The following ITFG1 variants were observed in gnomAD, a reference collection of about 807,000 sequenced individuals.
The protein encoded by ITFG1 is integrin alpha FG-GAP repeat containing 1, also known as T-cell immunomodulatory protein.
ITFG1 carries 34 observed loss-of-function variants against 81.8 expected under a neutral mutation model. The ratio of observed to expected loss-of-function variants is 0.42; its 90% CI spans 0.32 to 0.55. The LOEUF is 0.55. ITFG1 is among the 20% of genes least tolerant of loss of function. ITFG1 has a pLI of 0.17. For missense variants in ITFG1, 672 were observed against 755.4 expected (o/e 0.89, Z 1.29); for synonymous variants, 285 against 270.6 (o/e 1.05, Z -0.52).
At chr16:47,299,166 C>T (rs1266234652) in intron 10 of ITFG1, among the ~76,000 whole-genome samples, 5 of 152,116 alleles carry the variant, frequency 3.3e-5, no homozygotes, top group Non-Finnish European at 5.9e-5. Flanking sequence ...TCAGAATATT[C>T]GGTTAGGTTA....
At chr16:47,409,207 G>T (rs1021503620) in intron 6 of ITFG1, among the ~76,000 whole-genome samples, 1 of 149,712 alleles carries the variant, frequency 6.7e-6, no homozygotes, top group Non-Finnish European at 1.5e-5. Context: ...TGAGTCTCTC[G>T]AGAGAAAAAC....
chr16:47,406,005 C>T (rs1032173711), intron 6 of ITFG1, among the ~76,000 whole-genome samples: 26 of 152,284 alleles, frequency 1.7e-4, no homozygotes, highest in Admixed American at 5.9e-4. Flanking sequence ...ACAGAAGTTA[C>T]GGCATACTTG....
chr16:47,251,048 T>G (rs1029848723), intron 12 of ITFG1, among the ~76,000 whole-genome samples: 4 of 152,236 alleles, frequency 2.6e-5, no homozygotes, highest in Admixed American at 6.5e-5. Context: ...TGCACAGTGT[T>G]GCCCAAAACA....
At chr16:47,262,777 G>C (rs1412407871) in intron 10 of ITFG1, 1 of 152,404 alleles carries the variant, frequency 6.6e-6, no homozygotes, top group African/African-American at 2.4e-5. Context: ...AGTTTATGCA[G>C]ATCTGCTGGA....
chr16:47,243,595 T>C (rs1229087214), intron 12 of ITFG1, among the ~76,000 whole-genome samples: 1 of 152,138 alleles, frequency 6.6e-6, no homozygotes, highest in Non-Finnish European at 1.5e-5. Context: ...AAAAGTGAAA[T>C]AAATTGTGGA....
intron 8 of ITFG1, among the ~76,000 whole-genome samples, chr16:47,319,365 C>T (rs571810934): frequency 4.6e-5 from 7 of 152,170 alleles, no homozygotes; most frequent in East Asian, 3.9e-4. Context: ...AAGCTCACTT[C>T]GTTCATTTTA....
chr16:47,367,541 G>C (rs1348384479), intron 7 of ITFG1, among the ~76,000 whole-genome samples: 3 of 152,222 alleles, frequency 2.0e-5, no homozygotes, highest in African/African-American at 7.2e-5. Context: ...GAAGTTCTAT[G>C]TTAGGAAGTG....
intron 5 of ITFG1, among the ~76,000 whole-genome samples, chr16:47,442,058 C>A (rs1969259239): frequency 1.3e-5 from 2 of 152,172 alleles, no homozygotes; most frequent in African/African-American, 2.4e-5. Flanking sequence ...AGAGCCAAAT[C>A]ATGAGTGAAC....
intron 10 of ITFG1, among the ~76,000 whole-genome samples, chr16:47,295,936 T>G (rs747162246): frequency 3.1e-4 from 47 of 152,192 alleles, no homozygotes; most frequent in Non-Finnish European, 5.7e-4. Flanking sequence ...CTCACTCTGT[T>G]GCCCAGGCTG....
intron 7 of ITFG1, among the ~76,000 whole-genome samples, chr16:47,368,437 C>T (rs969571374): frequency 6.6e-6 from 1 of 150,456 alleles, no homozygotes; most frequent in Non-Finnish European, 1.5e-5. Flanking sequence ...CACCTGTAAT[C>T]CCAGCTACTA....
chr16:47,261,124 G>A (rs756525144), intron 10 of ITFG1, among the ~76,000 whole-genome samples: 4 of 152,178 alleles, frequency 2.6e-5, no homozygotes, highest in Non-Finnish European at 5.9e-5. Context: ...TGCTCTCATA[G>A]GTGGTAGGGC....
At chr16:47,412,191 T>A (rs1968819617) in intron 6 of ITFG1, among the ~76,000 whole-genome samples, 1 of 152,170 alleles carries the variant, frequency 6.6e-6, no homozygotes, top group Admixed American at 6.5e-5. Flanking sequence ...AGAACTCTGG[T>A]AATTCAGTCA....
intron 8 of ITFG1, among the ~76,000 whole-genome samples, chr16:47,324,546 T>G (rs536415832): frequency 6.6e-6 from 1 of 152,168 alleles, no homozygotes; most frequent in Non-Finnish European, 1.5e-5. Context: ...ACTGGCAAAT[T>G]GGATAAAGAG....
chr16:47,406,685 A>T (rs948185436), intron 6 of ITFG1, among the ~76,000 whole-genome samples: 3 of 152,216 alleles, frequency 2.0e-5, no homozygotes, highest in Admixed American at 6.5e-5. Flanking sequence ...GAAGCAATAA[A>T]AACATTAAGT....
intron 6 of ITFG1, among the ~76,000 whole-genome samples, chr16:47,419,076 T>C (rs1191647776): frequency 6.6e-6 from 1 of 152,204 alleles, no homozygotes; most frequent in Non-Finnish European, 1.5e-5. Flanking sequence ...ACCATCCTTG[T>C]ATTTCTGAGA....
chr16:47,208,535 G>C (rs1185123008), intron 14 of ITFG1, among the ~76,000 whole-genome samples: 3 of 152,152 alleles, frequency 2.0e-5, no homozygotes, highest in Non-Finnish European at 4.4e-5. Flanking sequence ...GACATCAGGT[G>C]GTTAACATTG....
intron 10 of ITFG1, among the ~76,000 whole-genome samples, chr16:47,274,542 T>C (rs1219816070): frequency 2.0e-5 from 3 of 152,302 alleles, no homozygotes; most frequent in Admixed American, 6.5e-5. Context: ...TGAAAACTTT[T>C]TTCCTTTTCA....
intron 8 of ITFG1, among the ~76,000 whole-genome samples, chr16:47,361,946 T>G (rs551049828): frequency 6.6e-6 from 1 of 152,282 alleles, no homozygotes; most frequent in African/African-American, 2.4e-5. Context: ...ACACCTGCCC[T>G]GGCTTTTTCC....
intron 10 of ITFG1, among the ~76,000 whole-genome samples, chr16:47,290,377 CA>C (rs897491319): frequency 6.6e-6 from 1 of 152,106 alleles, no homozygotes; most frequent in African/African-American, 2.4e-5. Flanking sequence ...GTTTTATGTC[CA>C]GATGATCTAT....
Sources: allele counts gnomAD v4.1 joint callset (sites outside exome capture counted in the v4.1 genomes callset), GRCh38; gene constraint gnomAD v4.1.1; transcripts MANE v1.5; gene names NCBI Gene and HGNC (gene_info 2026-07-23, HGNC 2026-07-21).